EML6: variants seen among roughly 807,000 people sequenced by gnomAD.
EML6 encodes echinoderm microtubule-associated protein-like 6.
Under a neutral mutation model 240.1 loss-of-function variants are expected in EML6, and 154 were observed. That is an observed-to-expected ratio of 0.64 (90% CI 0.56 to 0.73). The LOEUF is 0.73. EML6 is among the 30% of genes least tolerant of loss of function. The probability of loss-of-function intolerance (pLI) is 0.00; values close to 1 mark genes in which losing one functional copy is unlikely to be tolerated. For synonymous variants in EML6, 1,148 were observed against 899.0 expected (o/e 1.28, Z -4.95); for missense variants, 2,964 against 2,474.6 (o/e 1.20, Z -4.20).
intron 2 of EML6, among the ~76,000 whole-genome samples, chr2:54,750,314 C>A (rs1446572748): frequency 6.6e-6 from 1 of 152,194 alleles, no homozygotes; most frequent in East Asian, 1.9e-4. Context: ...GGCTTCATAG[C>A]TACTTACTCA....
chr2:54,810,224 A>G (rs1031932347), intron 2 of EML6, among the ~76,000 whole-genome samples: 4 of 152,210 alleles, frequency 2.6e-5, no homozygotes, highest in Non-Finnish European at 4.4e-5. Flanking sequence ...AAAAATTGCA[A>G]TGTGAACTTT....
chr2:54,899,744 C>G lies in EML6; in HGVS notation c.3086C>G (p.Ala1029Gly), dbSNP rs1672958013. The part of the protein sequence containing the change: ...DKTLRIWELS[A>G]QHRMLAVRKL... ...ACACTTCGCATCTGGGAACTATCTG[C>G]CCAGCACCGTATGCTGGCAGTACGG... The change falls in exon 22 of 42, where the codon GCC (alanine) becomes GGC (glycine). Residue 1029 changes from alanine (A) to glycine (G), a missense_variant. Coordinates refer to ENST00000356458, the MANE Select transcript of EML6 (RefSeq NM_001039753.4). 2 of 1,551,696 alleles carry G rather than the reference C, an allele frequency of 1.3e-6. No homozygotes were observed. Among genetic ancestry groups the G allele is most frequent in the Non-Finnish European group, 1.7e-6 (2 of 1,146,998 alleles).
intron 14 of EML6, chr2:54,868,096 A>G (rs1671066347): frequency 6.6e-6 from 1 of 152,210 alleles, no homozygotes; most frequent in Non-Finnish European, 1.5e-5. Flanking sequence ...AAGATATCTC[A>G]TAAGTTTTTA....
chr2:54,923,158 C>G (rs1026806754), intron 26 of EML6, among the ~76,000 whole-genome samples: 1 of 151,888 alleles, frequency 6.6e-6, no homozygotes, highest in African/African-American at 2.4e-5. Context: ...TCAGGCTGGT[C>G]TCGAACTCCC....
At chr2:54,883,220 T>C (rs1671934036) in intron 17 of EML6, among the ~76,000 whole-genome samples, 1 of 152,236 alleles carries the variant, frequency 6.6e-6, no homozygotes. Flanking sequence ...TGTATTTTTC[T>C]AGTATTTGTA....
rs1037235512 is a variant in EML6 at position 54,970,749 on chromosome 2, T to C, written c.*654T>C. ...CCCACCAATTTCTCCTTTCTCCATA[T>C]GGTGCTAAAACCTCAAAGCTGAGGA... is the stretch of plus-strand genomic sequence containing the variant. On this transcript the variant is annotated 3_prime_UTR_variant, in exon 42 of 42. Coordinates refer to ENST00000356458, the MANE Select transcript of EML6 (RefSeq NM_001039753.4). 5.9e-5 allele frequency: 9 copies of C among 152,820 alleles called. No individual in the cohort carries two copies. Among genetic ancestry groups the C allele is most frequent in the Non-Finnish European group, 8.8e-5 (6 of 68,506 alleles). 9.5% of individuals were successfully genotyped at this position (152,820 alleles called of 1,614,324 possible).
At chr2:54,828,875 C>T (rs1158902295) in intron 6 of EML6, among the ~76,000 whole-genome samples, 1 of 152,212 alleles carries the variant, frequency 6.6e-6, no homozygotes, top group African/African-American at 2.4e-5. Context: ...CATTTAGGTT[C>T]AAGTGATACC....
chr2:54,914,720 G>C (rs1673818940), intron 25 of EML6, among the ~76,000 whole-genome samples: 1 of 152,098 alleles, frequency 6.6e-6, no homozygotes, highest in Non-Finnish European at 1.5e-5. Flanking sequence ...CATCATGTTA[G>C]TCCCAATATT....
At chr2:54,871,385 C>T (rs1671247882) in intron 15 of EML6, 115 bp from the exon 16 acceptor site, 1 of 745,850 alleles carries the variant, frequency 1.3e-6, no homozygotes, top group Non-Finnish European at 2.3e-6. Context: ...TCCTAGGGTC[C>T]TTCTATTCTC....
At chr2:54,949,803 C>T (rs887193526) in intron 29 of EML6, among the ~76,000 whole-genome samples, 15 of 152,240 alleles carry the variant, frequency 9.9e-5, no homozygotes, top group African/African-American at 3.4e-4. Flanking sequence ...GCCCCCCAAA[C>T]CCACCGCTAG....
intron 9 of EML6, among the ~76,000 whole-genome samples, chr2:54,848,527 A>ACACACAAACT (rs1350455823): frequency 8.4e-5 from 12 of 142,386 alleles, no homozygotes; most frequent in Non-Finnish European, 1.3e-4. Context: ...TCCACACTAC[A>ACACACAAACT]CACACACACA....
intron 7 of EML6, among the ~76,000 whole-genome samples, chr2:54,834,685 T>A (rs998966510): frequency 1.3e-5 from 2 of 152,308 alleles, no homozygotes; most frequent in South Asian, 4.2e-4. Flanking sequence ...TAATGGACTA[T>A]AAACTCCGCA....
chr2:54,944,993 C>T lies in EML6; in HGVS notation c.4005-3889C>T, dbSNP rs79843619. Among the ~76,000 whole-genome samples, 307 of 145,402 alleles carry T rather than the reference C, an allele frequency of 2.1e-3. 4 individuals carry two copies. Among genetic ancestry groups the T allele is most frequent in the African/African-American group, 7.3e-3 (284 of 38,730 alleles). On this transcript the variant is annotated intron_variant, in intron 28 of 41. Transcript: ENST00000356458. ...TTTCTCGCCCCTCCCTTTCTCCCTC[C>T]CCTCCCCCATCCATTCCTCCCTACC...
At chr2:54,780,156 C>A (rs544715694) in intron 2 of EML6, among the ~76,000 whole-genome samples, 25 of 152,056 alleles carry the variant, frequency 1.6e-4, no homozygotes, top group Non-Finnish European at 3.2e-4. Flanking sequence ...TATTAATAAT[C>A]GTTTACAGTT....
At chr2:54,848,358 T>C (rs1456347275) in intron 9 of EML6, among the ~76,000 whole-genome samples, 1 of 152,198 alleles carries the variant, frequency 6.6e-6, no homozygotes. Context: ...ATAGCTTTGA[T>C]TGGAGAATGG....
At chr2:54,761,264 G>A (rs1216365349) in intron 2 of EML6, among the ~76,000 whole-genome samples, 2 of 151,840 alleles carry the variant, frequency 1.3e-5, no homozygotes, top group Admixed American at 6.6e-5. Flanking sequence ...TTGCAGTTTT[G>A]TGAACCAAAA....
At chr2:54,827,403 C>G (rs1365948481) in intron 5 of EML6, among the ~76,000 whole-genome samples, 163 bp from the exon 6 acceptor site, 1 of 152,152 alleles carries the variant, frequency 6.6e-6, no homozygotes, top group Non-Finnish European at 1.5e-5. Flanking sequence ...AGCTAAAATG[C>G]TTTTGTGTTA....
intron 3 of EML6, among the ~76,000 whole-genome samples, chr2:54,813,723 C>A (rs1156515043): frequency 6.6e-6 from 1 of 152,162 alleles, no homozygotes; most frequent in Non-Finnish European, 1.5e-5. Context: ...AAGGGCTAGA[C>A]CAAGCCTTAT....
intron 3 of EML6, among the ~76,000 whole-genome samples, chr2:54,814,151 C>T (rs962446477): frequency 6.6e-6 from 1 of 152,206 alleles, no homozygotes; most frequent in Non-Finnish European, 1.5e-5. Context: ...TTTTAGCCAA[C>T]TTTTCTAGAC....
Sources: gnomAD v4.1 joint callset for allele counts (sites outside exome capture counted in the v4.1 genomes callset) on GRCh38, gnomAD v4.1.1 for gene constraint, MANE v1.5 for transcripts, NCBI Gene and HGNC (gene_info 2026-07-23, HGNC 2026-07-21) for gene names.